CTNNA2: variants seen among roughly 807,000 people sequenced by gnomAD.
CTNNA2 encodes the protein catenin alpha-2.
In CTNNA2, 42 loss-of-function variants were observed where a neutral mutation model predicts 101.0. That is an observed-to-expected ratio of 0.42 (90% CI 0.32 to 0.54). The LOEUF (loss-of-function observed/expected upper bound fraction) is 0.54. Among genes scored for constraint, CTNNA2 ranks in the 20% least tolerant of loss-of-function variants. The pLI, the probability that CTNNA2 is intolerant of heterozygous loss-of-function variation, is 0.14. For synonymous variants in CTNNA2, 450 were observed against 456.4 expected (o/e 0.99, Z 0.18); for missense variants, 871 against 1,223.1 (o/e 0.71, Z 4.29).
chr2:79,337,365 T>A (rs2104424284), intron 3 of CTNNA2, among the ~76,000 whole-genome samples: 1 of 152,064 alleles, frequency 6.6e-6, no homozygotes, highest in African/African-American at 2.4e-5. Context: ...CAAAAACCAA[T>A]CCCTTTTAAA....
intron 7 of CTNNA2, among the ~76,000 whole-genome samples, chr2:80,232,345 GTTTTTTTTTTTTTTTTTTTTTTTTT>G (rs61454985): frequency 0.029 from 1,903 of 64,872 alleles, 34 homozygotes; most frequent in Non-Finnish European, 0.033. Context: ...TTGTTTGTTT[GTTTTTTTTTTTTTTTTTTTTTTTTT>G]TTTTTTTTTT....
intron 2 of CTNNA2, among the ~76,000 whole-genome samples, chr2:79,276,912 C>T (rs1415011808): frequency 6.6e-6 from 1 of 152,148 alleles, no homozygotes; most frequent in Non-Finnish European, 1.5e-5. Flanking sequence ...CACTTACCAT[C>T]TAAGCCTGCA....
At chr2:79,834,637 TA>T (rs1161992599) in intron 3 of CTNNA2, among the ~76,000 whole-genome samples, 2 of 26,840 alleles carry the variant, frequency 7.5e-5, no homozygotes, top group East Asian at 6.7e-4. Context: ...TTTTATGTAC[TA>T]TTTTTTGCAA....
At chr2:79,247,761 T>A (rs1674717497) in intron 2 of CTNNA2, among the ~76,000 whole-genome samples, 1 of 152,148 alleles carries the variant, frequency 6.6e-6, no homozygotes, top group South Asian at 2.1e-4. Flanking sequence ...AATTTGAGCA[T>A]AGAAGAAGGT....
At chr2:80,492,605 C>A (rs1457751584) in intron 9 of CTNNA2, among the ~76,000 whole-genome samples, 1 of 152,186 alleles carries the variant, frequency 6.6e-6, no homozygotes, top group Non-Finnish European at 1.5e-5. Flanking sequence ...CATACAGAGC[C>A]TTTGATGGCC....
At chr2:79,977,623 T>C (rs945583204) in intron 7 of CTNNA2, among the ~76,000 whole-genome samples, 2 of 152,200 alleles carry the variant, frequency 1.3e-5, no homozygotes, top group Admixed American at 6.6e-5. Context: ...TAGTTTTAAA[T>C]AGTGCATTAT....
chr2:80,564,626 AAT>A (rs1412323450), intron 12 of CTNNA2, among the ~76,000 whole-genome samples: 1 of 152,104 alleles, frequency 6.6e-6, no homozygotes, highest in Non-Finnish European at 1.5e-5. Context: ...TTATGTTTGA[AAT>A]ATACATTTAT....
intron 2 of CTNNA2, among the ~76,000 whole-genome samples, chr2:79,274,754 T>C (rs1404902133): frequency 6.6e-6 from 1 of 152,074 alleles, no homozygotes; most frequent in African/African-American, 2.4e-5. Flanking sequence ...TATATAGATT[T>C]AATAAAAATT....
intron 2 of CTNNA2, among the ~76,000 whole-genome samples, chr2:79,652,119 TC>T (rs1472967609): frequency 6.6e-6 from 1 of 152,188 alleles, no homozygotes; most frequent in Non-Finnish European, 1.5e-5. Flanking sequence ...TTGTCACATT[TC>T]CACAAGATAA....
chr2:80,235,823 T>C (rs916229646), intron 7 of CTNNA2, among the ~76,000 whole-genome samples: 1 of 152,206 alleles, frequency 6.6e-6, no homozygotes, highest in African/African-American at 2.4e-5. Flanking sequence ...TCAAAATTTT[T>C]ATTTTAAGTT....
In CTNNA2 at chr2:79,849,254, A is replaced by T. The variant is rs1375852183; in HGVS notation, c.299-8759A>T. 2.0e-5 allele frequency among the ~76,000 whole-genome samples: 3 copies of T among 151,888 alleles called. No homozygotes were observed. The South Asian group carries it at 6.2e-4, about 32-fold the overall frequency. On this transcript the variant is annotated intron_variant, in intron 3 of 18. Coordinates refer to ENST00000402739, the MANE Select transcript of CTNNA2 (RefSeq NM_001282597.3). Reference sequence around the variant, plus strand: ...GGGACAGGCAGCCTTCTTATTTTATAATATTTACATAGTTTTGGTATGGCT... The same window carrying T: ...GGGACAGGCAGCCTTCTTATTTTATTATATTTACATAGTTTTGGTATGGCT...
chr2:79,442,329 C>T (rs1426107765), intron 4 of CTNNA2, among the ~76,000 whole-genome samples: 1 of 151,976 alleles, frequency 6.6e-6, no homozygotes, highest in African/African-American at 2.4e-5. Context: ...ATGAATAGTC[C>T]ACTCATCATA....
At chr2:80,163,668 A>G (rs1704479360) in intron 7 of CTNNA2, among the ~76,000 whole-genome samples, 1 of 152,054 alleles carries the variant, frequency 6.6e-6, no homozygotes, top group African/African-American at 2.4e-5. Context: ...GAGTTCTTCT[A>G]TATCTTTGTT....
chr2:80,061,322 C>CA (rs1364246273), intron 7 of CTNNA2, among the ~76,000 whole-genome samples: 1 of 151,576 alleles, frequency 6.6e-6, no homozygotes, highest in Non-Finnish European at 1.5e-5. Context: ...AAGAATGAGA[C>CA]AAAAAAGGAA....
intron 7 of CTNNA2, among the ~76,000 whole-genome samples, chr2:80,288,036 C>T (rs73938267): frequency 0.1 from 15,463 of 152,160 alleles, 970 homozygotes; most frequent in South Asian, 0.26. Context: ...ATCATCTCCC[C>T]GCTACCAACC....
chr2:80,021,911 T>TTAAAG (rs5832431), intron 7 of CTNNA2, among the ~76,000 whole-genome samples: 51,743 of 151,802 alleles, frequency 0.34, 12,023 homozygotes, highest in African/African-American at 0.66. Context: ...TTACTTTACA[T>TTAAAG]TAATGAATTA....
chr2:80,539,326 TGTTG>T (rs1558564551), intron 9 of CTNNA2, among the ~76,000 whole-genome samples: 1,487 of 66,754 alleles, frequency 0.022, 23 homozygotes, highest in African/African-American at 0.064. Context: ...TTTTTTTTGT[TGTTG>T]TTGTTGTTGT....
At chr2:79,835,202 A>G (rs997195582) in intron 3 of CTNNA2, among the ~76,000 whole-genome samples, 11 of 152,156 alleles carry the variant, frequency 7.2e-5, no homozygotes, top group African/African-American at 2.4e-4. Flanking sequence ...GCTTTTTAGT[A>G]TTCGCCTTAA....
chr2:80,066,320 C>T (rs1351521599), intron 7 of CTNNA2, among the ~76,000 whole-genome samples: 4 of 152,018 alleles, frequency 2.6e-5, no homozygotes, highest in African/African-American at 4.8e-5. Flanking sequence ...ACCTTAACCT[C>T]TTACATTTGA....
Sources: allele counts gnomAD v4.1 joint callset (sites outside exome capture counted in the v4.1 genomes callset), GRCh38; gene constraint gnomAD v4.1.1; transcripts MANE v1.5; gene names NCBI Gene and HGNC (gene_info 2026-07-23, HGNC 2026-07-21).